Variants in IRAK1BP1 observed in about 807,000 individuals in gnomAD.
IRAK1BP1 encodes the protein interleukin-1 receptor-associated kinase 1-binding protein 1.
In IRAK1BP1, 24 loss-of-function variants were observed where a neutral mutation model predicts 28.0. The ratio of observed to expected loss-of-function variants is 0.86; its 90% CI spans 0.62 to 1.20. IRAK1BP1 has a LOEUF of 1.20. Ranked by LOEUF, IRAK1BP1 falls within the 50% of genes most tolerant of loss-of-function variation. The pLI is 0.00. For synonymous variants in IRAK1BP1, 131 were observed against 116.3 expected (o/e 1.13, Z -0.81); for missense variants, 336 against 316.7 (o/e 1.06, Z -0.46).
At chr6:78,914,565 A>AT (rs1562096093) in intron 4 of IRAK1BP1, among the ~76,000 whole-genome samples, 1 of 152,078 alleles carries the variant, frequency 6.6e-6, no homozygotes, top group Non-Finnish European at 1.5e-5. Context: ...CATGTCTTCT[A>AT]TTTTTTTGGT....
At chr6:78,871,977 T>C (rs1770809667) in intron 1 of IRAK1BP1, 1 of 514,338 alleles carries the variant, frequency 1.9e-6, no homozygotes, top group Non-Finnish European at 3.4e-6. Context: ...GAATCCACTC[T>C]CTGCAAATGG....
At chr6:78,937,491 G>C (rs1262091155) in intron 4 of IRAK1BP1, 3 of 151,612 alleles carry the variant, frequency 2.0e-5, no homozygotes, top group African/African-American at 7.2e-5. Flanking sequence ...TCTGATTACT[G>C]TATCTTATGT....
chr6:78,903,797 C>A (rs1772185636), downstream of IRAK1BP1, among the ~76,000 whole-genome samples: 1 of 151,546 alleles, frequency 6.6e-6, no homozygotes, highest in Non-Finnish European at 1.5e-5. Flanking sequence ...AATAAAGATT[C>A]TGTCTCCTAT....
chr6:78,952,656 C>G, the IRAK1BP1 span, among the ~76,000 whole-genome samples: 3 of 152,158 alleles, frequency 2.0e-5, no homozygotes, highest in African/African-American at 7.2e-5. Context: ...TTTACACTTA[C>G]TATCTCTTTA....
intron 4 of IRAK1BP1, chr6:78,941,065 A>C: frequency 1.2e-6 from 2 of 1,613,928 alleles, no homozygotes; most frequent in Non-Finnish European, 1.7e-6. Flanking sequence ...TTACATTATT[A>C]GTTTCAGAAA....
chr6:78,892,102 AAAT>A (rs1455692821), intron 2 of IRAK1BP1, among the ~76,000 whole-genome samples: 1 of 152,190 alleles, frequency 6.6e-6, no homozygotes, highest in Non-Finnish European at 1.5e-5. Context: ...AAAACAAGGT[AAAT>A]ACTTCTTCCT....
At chr6:78,966,678 T>C in the IRAK1BP1 span, among the ~76,000 whole-genome samples, 1 of 152,228 alleles carries the variant, frequency 6.6e-6, no homozygotes, top group Non-Finnish European at 1.5e-5. Flanking sequence ...TCGTATTACT[T>C]AACCTGCTTT....
At chr6:78,906,505 G>A (rs1428213261), downstream of IRAK1BP1, among the ~76,000 whole-genome samples, 2 of 152,150 alleles carry the variant, frequency 1.3e-5, no homozygotes, top group African/African-American at 4.8e-5. Flanking sequence ...AAGAGTTCGT[G>A]TTTATCTTAA....
chr6:78,922,621 T>A (rs1026901850), intron 4 of IRAK1BP1, among the ~76,000 whole-genome samples: 2 of 152,074 alleles, frequency 1.3e-5, no homozygotes, highest in African/African-American at 4.8e-5. Flanking sequence ...CACATAATTG[T>A]CAGATTCACC....
intron 4 of IRAK1BP1, chr6:78,935,591 T>C (rs1300333195): frequency 2.7e-5 from 26 of 975,976 alleles, no homozygotes; most frequent in Non-Finnish European, 3.2e-5. Flanking sequence ...ATAAAATTGT[T>C]TTATTAAATG....
the IRAK1BP1 span, chr6:78,955,384 G>A: frequency 3.6e-6 from 3 of 844,818 alleles, no homozygotes. Context: ...TGGAACACCT[G>A]TAATGTATAT....
intron 4 of IRAK1BP1, among the ~76,000 whole-genome samples, chr6:78,916,571 G>T (rs1772566713): frequency 6.6e-6 from 1 of 152,214 alleles, no homozygotes. Context: ...TCCATGTAAA[G>T]AATGCAGAAC....
downstream of IRAK1BP1, among the ~76,000 whole-genome samples, chr6:78,949,164 C>T (rs997695632): frequency 7.2e-5 from 11 of 152,124 alleles, no homozygotes; most frequent in East Asian, 3.9e-4. Context: ...GGAAGTTTTC[C>T]TTTGTTCCCG....
intron 1 of IRAK1BP1, among the ~76,000 whole-genome samples, chr6:78,871,063 A>C (rs989489128): frequency 1.6e-4 from 24 of 152,056 alleles, no homozygotes; most frequent in African/African-American, 5.6e-4. Context: ...TGCTGTAATG[A>C]AAAACCATAG....
the IRAK1BP1 span, among the ~76,000 whole-genome samples, chr6:78,954,376 G>T: frequency 6.6e-5 from 10 of 152,210 alleles, no homozygotes; most frequent in Admixed American, 6.5e-4. Context: ...AAAGTGCTGG[G>T]ATTACTGGCA....
chr6:78,969,981 A>G, the IRAK1BP1 span: 5 of 1,587,838 alleles, frequency 3.1e-6, no homozygotes, highest in African/African-American at 1.3e-5. Flanking sequence ...AGATGTTCAA[A>G]TGTATCTGAA....
At chr6:78,891,854 C>T (rs1197505765) in intron 2 of IRAK1BP1, among the ~76,000 whole-genome samples, 1 of 151,986 alleles carries the variant, frequency 6.6e-6, no homozygotes, top group East Asian at 1.9e-4. Context: ...ATAGTTTTCT[C>T]CCCCTTCTTT....
At position 78,893,312 on chromosome 6, in the gene IRAK1BP1, GTGTATATA is replaced by G. The variant is rs1290764031; in HGVS notation, c.382-4515_382-4508del. Reference sequence around the variant, plus strand: ...TATATATGTGTGTGTGTGTGTGTGTGTGTATATATATATATATATATATATATATATAT... The same window carrying G: ...TATATATGTGTGTGTGTGTGTGTGTGTATATATATATATATATATATATAT... On this transcript the variant is annotated intron_variant, in intron 2 of 3. Transcript: ENST00000369940. Among the ~76,000 whole-genome samples, 57 of 64,198 alleles carry G rather than the reference GTGTATATA, an allele frequency of 8.9e-4. 1 individual carries two copies. The highest frequency in any genetic ancestry group is 7.0e-3 in the Middle Eastern group (1 of 142). 42.1% of individuals were successfully genotyped at this position (64,198 alleles called of 152,430 possible). A position where few individuals can be genotyped will look rare whatever the true frequency, so the allele number is the denominator to read the frequency against.
the IRAK1BP1 span, chr6:78,958,264 A>T: frequency 2.6e-6 from 1 of 390,788 alleles, no homozygotes; most frequent in Non-Finnish European, 4.6e-6. Flanking sequence ...TTATGATTTC[A>T]TTCTTATTAT....
Sources: gnomAD v4.1 joint callset for allele counts (sites outside exome capture counted in the v4.1 genomes callset) on GRCh38, gnomAD v4.1.1 for gene constraint, MANE v1.5 for transcripts, NCBI Gene and HGNC (gene_info 2026-07-23, HGNC 2026-07-21) for gene names.